The following GRM8 variants were observed in gnomAD, a reference collection of about 807,000 sequenced individuals.
The protein encoded by GRM8 is metabotropic glutamate receptor 8.
Under a neutral mutation model 87.2 loss-of-function variants are expected in GRM8, and 47 were observed. The ratio of observed to expected loss-of-function variants is 0.54; its 90% CI spans 0.43 to 0.69. The LOEUF is 0.69. Ranked by LOEUF, GRM8 falls within the 30% of genes least tolerant of loss-of-function variation. GRM8 has a pLI of 0.00. For synonymous variants in GRM8, 396 were observed against 404.5 expected, an observed-to-expected ratio of 0.98 and a Z score of 0.25; for missense variants, 1,019 against 1,139.2, an observed-to-expected ratio of 0.89 and a Z score of 1.52.
intron 3 of GRM8, among the ~76,000 whole-genome samples, chr7:127,035,298 T>C (rs1042813465): frequency 1.3e-5 from 2 of 152,166 alleles, no homozygotes; most frequent in Admixed American, 1.3e-4. Context: ...TAAGGCTGTG[T>C]CTATACGGTG....
At chr7:126,494,045 G>A (rs1808393635) in intron 9 of GRM8, among the ~76,000 whole-genome samples, 1 of 151,870 alleles carries the variant, frequency 6.6e-6, no homozygotes, top group Admixed American at 6.6e-5. Flanking sequence ...ATGGCCACTG[G>A]GGAAGCATGG....
intron 3 of GRM8, among the ~76,000 whole-genome samples, chr7:126,963,628 C>G (rs1468090668): frequency 6.6e-6 from 1 of 152,122 alleles, no homozygotes; most frequent in Non-Finnish European, 1.5e-5. Context: ...TGAAGGACCT[C>G]TTCAAGGAGA....
At chr7:126,867,853 G>A (rs953636738) in intron 6 of GRM8, among the ~76,000 whole-genome samples, 4 of 152,126 alleles carry the variant, frequency 2.6e-5, no homozygotes. Flanking sequence ...TTCAAGCAAA[G>A]TAATAAATCC....
At chr7:126,516,400 C>T (rs1812168762) in intron 9 of GRM8, among the ~76,000 whole-genome samples, 1 of 152,032 alleles carries the variant, frequency 6.6e-6, no homozygotes, top group East Asian at 1.9e-4. Context: ...CTGTTAAGAC[C>T]TCTTATGGAG....
intron 2 of GRM8, among the ~76,000 whole-genome samples, chr7:127,147,503 T>C (rs1828617546): frequency 6.6e-6 from 1 of 152,030 alleles, no homozygotes; most frequent in South Asian, 2.1e-4. Context: ...GTCTCTGCTT[T>C]GGGCAAATTC....
intron 2 of GRM8, among the ~76,000 whole-genome samples, chr7:127,240,493 TC>T (rs1404774224): frequency 6.7e-6 from 1 of 150,078 alleles, no homozygotes; most frequent in Non-Finnish European, 1.5e-5. Flanking sequence ...TCCACCACAC[TC>T]CTCAAATCTT....
intron 2 of GRM8, among the ~76,000 whole-genome samples, chr7:127,141,597 T>C (rs17866956): frequency 3.0e-4 from 45 of 152,296 alleles, no homozygotes; most frequent in Non-Finnish European, 7.3e-5. Flanking sequence ...CTTAATTGCA[T>C]CAATTTCTCT....
At chr7:126,695,247 T>C (rs914049717) in intron 7 of GRM8, among the ~76,000 whole-genome samples, 11 of 152,124 alleles carry the variant, frequency 7.2e-5, no homozygotes, top group Non-Finnish European at 1.2e-4. Context: ...ATGAAGAAAA[T>C]GAGAAAAGAA....
At position 126,956,315 on chromosome 7, in the gene GRM8, T is replaced by C. The variant is rs137874099; in HGVS notation, c.728-51632A>G. Reference sequence around the variant, plus strand: ...ATTGTGGAATTACAAGGATCCACTATATCACTTACTATTATATTATTTCTC... The same window carrying C: ...ATTGTGGAATTACAAGGATCCACTACATCACTTACTATTATATTATTTCTC... On this transcript the variant is annotated intron_variant, in intron 3 of 10. Transcript: ENST00000339582. Among the ~76,000 whole-genome samples, 249 of 152,318 alleles carry C rather than the reference T, an allele frequency of 1.6e-3. 1 individual carries two copies. Among genetic ancestry groups the C allele is most frequent in the African/African-American group, 5.8e-3 (241 of 41,582 alleles).
At chr7:126,829,330 G>T in intron 6 of GRM8, among the ~76,000 whole-genome samples, 7 of 132,436 alleles carry the variant, frequency 5.3e-5, no homozygotes, top group South Asian at 2.7e-4. Context: ...TTATTGTGTG[G>T]GAGTCTAAGT....
intron 3 of GRM8, among the ~76,000 whole-genome samples, chr7:127,078,575 A>C (rs1001495979): frequency 6.6e-6 from 1 of 152,220 alleles, no homozygotes; most frequent in African/African-American, 2.4e-5. Flanking sequence ...GCCTTGGTTG[A>C]AAAGACCACA....
chr7:127,207,009 C>A (rs181356555), intron 2 of GRM8, among the ~76,000 whole-genome samples: 231 of 152,140 alleles, frequency 1.5e-3, no homozygotes, highest in African/African-American at 5.3e-3. Flanking sequence ...AACATGAATG[C>A]GTGTGAGGAA....
intron 3 of GRM8, among the ~76,000 whole-genome samples, chr7:127,023,251 A>C (rs1440112814): frequency 6.6e-6 from 1 of 152,064 alleles, no homozygotes. Flanking sequence ...TTTATAGTTT[A>C]TTATTATGGC....
At chr7:126,991,498 T>A (rs1426430137) in intron 3 of GRM8, among the ~76,000 whole-genome samples, 1 of 152,210 alleles carries the variant, frequency 6.6e-6, no homozygotes, top group African/African-American at 2.4e-5. Flanking sequence ...AGGTAGGGCC[T>A]TTTATGAAAT....
intron 2 of GRM8, among the ~76,000 whole-genome samples, chr7:127,112,919 AT>A (rs1348467456): frequency 7.2e-5 from 11 of 152,326 alleles, no homozygotes; most frequent in Admixed American, 1.3e-4. Flanking sequence ...AACATCATAG[AT>A]TATTTAATCA....
chr7:127,201,707 T>C (rs1795617308), intron 2 of GRM8, among the ~76,000 whole-genome samples: 1 of 152,208 alleles, frequency 6.6e-6, no homozygotes, highest in African/African-American at 2.4e-5. Context: ...ACTTTTGGAA[T>C]AGCCTCAACT....
intron 6 of GRM8, among the ~76,000 whole-genome samples, chr7:126,898,505 C>A (rs1334294901): frequency 6.6e-6 from 1 of 152,172 alleles, no homozygotes; most frequent in Non-Finnish European, 1.5e-5. Context: ...TGTTTACTGA[C>A]CCAGTTCCCT....
At chr7:126,474,625 C>A (rs912185199) in intron 9 of GRM8, among the ~76,000 whole-genome samples, 6 of 152,112 alleles carry the variant, frequency 3.9e-5, no homozygotes, top group Admixed American at 3.3e-4. Context: ...TTTAAAGAGT[C>A]CTAGAGATAG....
chr7:126,494,324 TA>T (rs34736231), intron 9 of GRM8, among the ~76,000 whole-genome samples: 50,426 of 151,850 alleles, frequency 0.33, 9,332 homozygotes, highest in Non-Finnish European at 0.4. Flanking sequence ...TACTATTATG[TA>T]AACAAAACAT....
Sources: allele counts gnomAD v4.1 joint callset (sites outside exome capture counted in the v4.1 genomes callset), GRCh38; gene constraint gnomAD v4.1.1; transcripts MANE v1.5; gene names NCBI Gene and HGNC (gene_info 2026-07-23, HGNC 2026-07-21).